Variants in PDE1C observed in about 807,000 individuals in gnomAD.
PDE1C encodes the protein dual specificity calcium/calmodulin-dependent 3',5'-cyclic nucleotide phosphodiesterase 1C.
A neutral mutation model predicts 93.1 loss-of-function variants in PDE1C; 62 were observed. The observed-to-expected ratio is 0.67, with a 90% CI of 0.54 to 0.82. The LOEUF (loss-of-function observed/expected upper bound fraction) is 0.82, where lower values mean the gene tolerates loss of function less well. Among genes scored for constraint, PDE1C ranks in the 40% least tolerant of loss-of-function variants. PDE1C has a pLI of 0.00. For missense variants in PDE1C, 742 were observed against 884.6 expected, an observed-to-expected ratio of 0.84 and a Z score of 2.04; for synonymous variants, 325 against 310.1, an observed-to-expected ratio of 1.05 and a Z score of -0.50.
chr7:31,693,781 AAGAG>A, the PDE1C span, among the ~76,000 whole-genome samples: 2 of 152,222 alleles, frequency 1.3e-5, no homozygotes, highest in East Asian at 1.9e-4. Flanking sequence ...TTTAGTAAGA[AAGAG>A]AGAAATTTAC....
At chr7:31,794,674 A>T (rs1284804322) in intron 16 of PDE1C, among the ~76,000 whole-genome samples, 1 of 151,976 alleles carries the variant, frequency 6.6e-6, no homozygotes, top group African/African-American at 2.4e-5. Flanking sequence ...GTCAGGCATC[A>T]GTAACTCCTA....
the PDE1C span, among the ~76,000 whole-genome samples, chr7:31,681,385 ATG>A: frequency 6.7e-6 from 1 of 150,184 alleles, no homozygotes; most frequent in African/African-American, 2.5e-5. Flanking sequence ...GGATGGATGG[ATG>A]GATGGATGGA....
rs1388454008 is a variant in PDE1C, at chr7:32,039,981, A to G, written c.128+11573T>C. On this transcript the variant is annotated intron_variant, in intron 2 of 17. Transcript: ENST00000396191. Reference sequence around the variant, plus strand: ...TATACTGTGTTTATATAAGCCACACAATATTAACCCTTCAAGACAACTTTA... The same window carrying G: ...TATACTGTGTTTATATAAGCCACACGATATTAACCCTTCAAGACAACTTTA... Among the ~76,000 whole-genome samples, 4 of 152,212 alleles carry G rather than the reference A, an allele frequency of 2.6e-5. No individual in the cohort carries two copies. The South Asian group carries it at 6.2e-4, about 24-fold the overall frequency.
chr7:31,837,959 G>C lies in PDE1C; in HGVS notation c.993C>G (p.Thr331=). The change falls in exon 10 of 18, where the codon ACC becomes ACG. Residue 331 remains threonine, a synonymous_variant. Coordinates refer to ENST00000396191, the MANE Select transcript of PDE1C (RefSeq NM_001191057.4). ...LSKDDWREFR[T]LVIEMVMATD... ...TGGCCATCACCATTTCAATTACCAA[G>C]GTTCGAAACTCCCTTTTAGAGACAA... 1 of 1,610,302 alleles carries C rather than the reference G, an allele frequency of 6.2e-7. No individual in the cohort carries two copies. Among genetic ancestry groups the C allele is most frequent in the Non-Finnish European group, 8.5e-7 (1 of 1,176,710 alleles).
chr7:31,981,697 C>G (rs1056765560), intron 2 of PDE1C, among the ~76,000 whole-genome samples: 1 of 152,198 alleles, frequency 6.6e-6, no homozygotes, highest in Non-Finnish European at 1.5e-5. Context: ...ACTTTCTTCA[C>G]TTAAGTAGTT....
intron 3 of PDE1C, among the ~76,000 whole-genome samples, chr7:32,093,653 T>C (rs1458637807): frequency 3.9e-5 from 6 of 152,256 alleles, no homozygotes; most frequent in Admixed American, 6.5e-5. Context: ...TATCTTTACA[T>C]GACTTTGTCA....
At chr7:31,781,244 G>T (rs1783386612) in intron 16 of PDE1C, among the ~76,000 whole-genome samples, 1 of 152,150 alleles carries the variant, frequency 6.6e-6, no homozygotes, top group South Asian at 2.1e-4. Context: ...GCAAAATGGG[G>T]TTAGCCTGGC....
chr7:31,729,049 C>A, the PDE1C span, among the ~76,000 whole-genome samples: 1 of 152,176 alleles, frequency 6.6e-6, no homozygotes, highest in Non-Finnish European at 1.5e-5. Context: ...GGTGTCTTTA[C>A]CTCTTTGGAG....
chr7:32,200,100 C>A (rs147337743), intron 2 of PDE1C, among the ~76,000 whole-genome samples: 142 of 152,292 alleles, frequency 9.3e-4, no homozygotes, highest in African/African-American at 3.3e-3. Flanking sequence ...TTTCTGGTCC[C>A]AGGCATTTTG....
At chr7:32,128,984 A>C (rs991176780) in intron 3 of PDE1C, among the ~76,000 whole-genome samples, 4 of 143,870 alleles carry the variant, frequency 2.8e-5, no homozygotes, top group African/African-American at 1.0e-4. Context: ...AGAAAATGAG[A>C]AACAACCTAA....
the PDE1C span, among the ~76,000 whole-genome samples, chr7:31,620,923 G>T: frequency 2.6e-5 from 4 of 152,032 alleles, no homozygotes; most frequent in African/African-American, 7.2e-5. Flanking sequence ...GGAGCTGATG[G>T]AGCTGAAAGC....
the PDE1C span, among the ~76,000 whole-genome samples, chr7:31,709,275 A>G: frequency 6.6e-6 from 1 of 152,176 alleles, no homozygotes; most frequent in Non-Finnish European, 1.5e-5. Flanking sequence ...AGCTTCAACT[A>G]TGTGATGCCA....
At chr7:32,253,480 C>T (rs936982195) in intron 1 of PDE1C, among the ~76,000 whole-genome samples, 2 of 152,180 alleles carry the variant, frequency 1.3e-5, no homozygotes, top group African/African-American at 4.8e-5. Context: ...AATGAATCCC[C>T]AGAGGTAGAA....
chr7:32,212,265 A>G (rs1487619187), intron 1 of PDE1C, among the ~76,000 whole-genome samples: 1 of 152,096 alleles, frequency 6.6e-6, no homozygotes, highest in Non-Finnish European at 1.5e-5. Context: ...TCACTATTTC[A>G]CACGCAGCAA....
At chr7:31,949,258 A>T (rs1396725115) in intron 2 of PDE1C, among the ~76,000 whole-genome samples, 3 of 152,166 alleles carry the variant, frequency 2.0e-5, no homozygotes, top group African/African-American at 7.2e-5. Flanking sequence ...CAGGAGTTCA[A>T]GATCAGCCTG....
chr7:32,129,706 T>A (rs1799814782), intron 3 of PDE1C, among the ~76,000 whole-genome samples: 1 of 151,998 alleles, frequency 6.6e-6, no homozygotes, highest in Non-Finnish European at 1.5e-5. Flanking sequence ...TTCAAGTCAC[T>A]CTACATTAAC....
intron 1 of PDE1C, among the ~76,000 whole-genome samples, chr7:32,292,957 C>G (rs920335259): frequency 6.6e-6 from 1 of 152,204 alleles, no homozygotes; most frequent in African/African-American, 2.4e-5. Flanking sequence ...GACTCTTACT[C>G]TCATCTGGTG....
At chr7:32,249,859 G>A (rs889938108) in intron 1 of PDE1C, among the ~76,000 whole-genome samples, 6 of 152,016 alleles carry the variant, frequency 3.9e-5, no homozygotes, top group Non-Finnish European at 8.8e-5. Flanking sequence ...TGTGCTCAAG[G>A]GTTACCTTTG....
the PDE1C span, among the ~76,000 whole-genome samples, chr7:31,618,402 A>C: frequency 1.1e-4 from 16 of 152,310 alleles, no homozygotes; most frequent in Non-Finnish European, 8.8e-5. Flanking sequence ...TAATTAGGCT[A>C]TTGAAGAAGA....
Sources: allele counts gnomAD v4.1 joint callset (sites outside exome capture counted in the v4.1 genomes callset), GRCh38; gene constraint gnomAD v4.1.1; transcripts MANE v1.5; gene names NCBI Gene and HGNC (gene_info 2026-07-23, HGNC 2026-07-21).